The following PCDHGC3 variants were observed in gnomAD, a reference collection of about 807,000 sequenced individuals.
The protein encoded by PCDHGC3 is protocadherin gamma-C3.
A neutral mutation model predicts 59.2 loss-of-function variants in PCDHGC3; 26 were observed. That is an observed-to-expected ratio of 0.44 (90% CI 0.32 to 0.61). PCDHGC3 has a LOEUF of 0.61. Ranked by LOEUF, PCDHGC3 falls within the 20% of genes least tolerant of loss-of-function variation. PCDHGC3 has a pLI of 0.05. For synonymous variants in PCDHGC3, 487 were observed against 519.7 expected (o/e 0.94, Z 0.86); for missense variants, 1,080 against 1,221.8 (o/e 0.88, Z 1.73).
At position 141,475,981 on chromosome 5, in the gene PCDHGC3, G is replaced by A; in HGVS notation, c.-136G>A. The stretch of plus-strand genomic sequence containing the variant: ...GGGATGAGGCAGAGACTGAACAGCC[G>A]GCGAGCAAATCAACGGCATCCAGAA... On this transcript the variant is annotated 5_prime_UTR_variant, in exon 1 of 4. Coordinates refer to ENST00000308177, the MANE Select transcript of PCDHGC3 (RefSeq NM_002588.4). The A allele has an allele frequency of 9.6e-7, 1 of 1,042,940 alleles. No homozygotes were observed. Among genetic ancestry groups the A allele is most frequent in the Non-Finnish European group, 1.4e-6 (1 of 721,846 alleles). The allele number at this position is 1,042,940 out of a possible 1,614,324, so 64.6% of individuals were successfully genotyped here. A position where few individuals can be genotyped will look rare whatever the true frequency, so the allele number is the denominator to read the frequency against.
At position 141,486,230 on chromosome 5, in the gene PCDHGC3, A is replaced by G. The variant is rs1463946178; in HGVS notation, c.2430+7684A>G. ...TGACAATGCCCCTTACATCACAGTG[A>G]CCTCAGAGCTTGGAACCCTCCCCGA... On this transcript the variant is annotated intron_variant, in intron 1 of 3. Coordinates refer to ENST00000308177, the MANE Select transcript of PCDHGC3 (RefSeq NM_002588.4). This position sits in a 1 kb window ranked among gnomAD's most constrained non-coding sequence, Gnocchi z 5.0. 2 of 1,613,898 alleles carry G rather than the reference A, an allele frequency of 1.2e-6. No individual in the cohort carries two copies. The highest frequency in any genetic ancestry group is 2.2e-5 in the East Asian group (1 of 44,878).
chr5:141,480,414 CAA>C (rs10712552), intron 1 of PCDHGC3, among the ~76,000 whole-genome samples: 346 of 147,498 alleles, frequency 2.3e-3, no homozygotes, highest in African/African-American at 8.3e-3. Flanking sequence ...GACCCTGTCT[CAA>C]AAAAAAAAAT....
rs1199102847 is a variant in PCDHGC3, at chr5:141,477,997, A to G, written c.1881A>G (p.Gln627=). 2 of 1,614,112 alleles carry G rather than the reference A, an allele frequency of 1.2e-6. No individual in the cohort carries two copies. Among genetic ancestry groups the G allele is most frequent in the Non-Finnish European group, 1.7e-6 (2 of 1,180,016 alleles). Residue 627 remains glutamine, a synonymous_variant, in exon 1 of 4, where the codon CAA becomes CAG. Coordinates refer to ENST00000308177, the MANE Select transcript of PCDHGC3 (RefSeq NM_002588.4). This position sits in a 1 kb window ranked among gnomAD's most constrained non-coding sequence, Gnocchi z 4.9. ...SLFAIGLHTG[Q]ISTARPVQDT... ...TTGCCATAGGGCTGCACACTGGTCAAATCAGTACTGCCCGTCCAGTCCAAG... is the reference window on the plus strand; with the variant it reads ...TTGCCATAGGGCTGCACACTGGTCAGATCAGTACTGCCCGTCCAGTCCAAG...
At position 141,485,614 on chromosome 5, in the gene PCDHGC3, T is replaced by G; in HGVS notation, c.2430+7068T>G. 1 of 1,612,236 alleles carries G rather than the reference T, an allele frequency of 6.2e-7. No individual in the cohort carries two copies. Among genetic ancestry groups the G allele is most frequent in the Non-Finnish European group, 8.5e-7 (1 of 1,178,686 alleles). On this transcript the variant is annotated intron_variant, in intron 1 of 3. Transcript: ENST00000308177. The surrounding 1 kb of genome is among the most constrained non-coding windows in gnomAD (Gnocchi z 5.7). ...ACTTGGAAATTGGGGAGGCAGCTCC[T>G]CCAGGACAGCGTTTCCCGTTGGAAA...
At chr5:141,503,729 G>C (rs531112359) in intron 2 of PCDHGC3, among the ~76,000 whole-genome samples, 1 of 152,190 alleles carries the variant, frequency 6.6e-6, no homozygotes, top group East Asian at 1.9e-4. Flanking sequence ...CTTTATGTTT[G>C]TTGTGATGGT....
intron 3 of PCDHGC3, 111 bp from the exon 4 acceptor site, chr5:141,510,836 G>C: frequency 6.3e-7 from 1 of 1,584,882 alleles, no homozygotes; most frequent in African/African-American, 1.3e-5. Flanking sequence ...TGCTCAGCGT[G>C]GTCAAGGCCC....
At chr5:141,502,499 C>A (rs552402476) in intron 2 of PCDHGC3, among the ~76,000 whole-genome samples, 12 of 152,122 alleles carry the variant, frequency 7.9e-5, no homozygotes, top group Non-Finnish European at 2.9e-5. Flanking sequence ...CATCTAACGT[C>A]GGCCTGTCCC....
Position 141,485,294 on chromosome 5 carries a change from G to A in PCDHGC3, c.2430+6748G>A, listed in dbSNP as rs2099611126. Reference sequence around the variant, plus strand: ...CTACCCGGTCCCAGAGGAGTCACAGGAAGGGACTTTTGTAGGGAATGTCGC... The same window carrying A: ...CTACCCGGTCCCAGAGGAGTCACAGAAAGGGACTTTTGTAGGGAATGTCGC... On this transcript the variant is annotated intron_variant, in intron 1 of 3. Coordinates refer to ENST00000308177, the MANE Select transcript of PCDHGC3 (RefSeq NM_002588.4). The surrounding 1 kb of genome is among the most constrained non-coding windows in gnomAD (Gnocchi z 5.7). The A allele has an allele frequency of 6.2e-7, 1 of 1,614,044 alleles. No homozygotes were observed. Among genetic ancestry groups the A allele is most frequent in the Non-Finnish European group, 8.5e-7 (1 of 1,179,988 alleles).
intron 2 of PCDHGC3, among the ~76,000 whole-genome samples, 170 bp from the exon 3 acceptor site, chr5:141,505,223 A>G (rs746167057): frequency 1.9e-4 from 29 of 152,176 alleles, no homozygotes; most frequent in Admixed American, 6.5e-5. Flanking sequence ...GACTTGTGGG[A>G]TTCTGGCTTC....
Position 141,491,034 on chromosome 5 carries a change from T to G in PCDHGC3, c.2431-3773T>G, listed in dbSNP as rs375902824. 1 of 1,614,170 alleles carries G rather than the reference T, an allele frequency of 6.2e-7. No homozygotes were observed. The highest frequency in any genetic ancestry group is 8.5e-7 in the Non-Finnish European group (1 of 1,180,024). On this transcript the variant is annotated intron_variant, in intron 1 of 3. Coordinates refer to ENST00000308177, the MANE Select transcript of PCDHGC3 (RefSeq NM_002588.4). The surrounding 1 kb of genome is among the most constrained non-coding windows in gnomAD (Gnocchi z 6.9). ...CCAAGGTGACAGCCGTGGATGCTGATGCAGGCCACAATGCGTGGCTCTCCT... is the reference window on the plus strand; with the variant it reads ...CCAAGGTGACAGCCGTGGATGCTGAGGCAGGCCACAATGCGTGGCTCTCCT...
At position 141,476,043 on chromosome 5, in the gene PCDHGC3, A is replaced by T. The variant is rs2099384502; in HGVS notation, c.-74A>T. 1 of 1,492,156 alleles carries T rather than the reference A, an allele frequency of 6.7e-7. No individual in the cohort carries two copies. Among genetic ancestry groups the T allele is most frequent in the African/African-American group, 1.4e-5 (1 of 71,628 alleles). The allele number at this position is 1,492,156 out of a possible 1,614,324, so 92.4% of individuals were successfully genotyped here. On this transcript the variant is annotated 5_prime_UTR_variant, in exon 1 of 4. Coordinates refer to ENST00000308177, the MANE Select transcript of PCDHGC3 (RefSeq NM_002588.4). The surrounding 1 kb of genome is among the most constrained non-coding windows in gnomAD (Gnocchi z 7.6). ...ACTCGGCGCCCAGCGCCCAAGCGCT[A>T]ACCCGCTGAAAGTTTCTCAGCGAAA...
At position 141,489,244 on chromosome 5, in the gene PCDHGC3, G is replaced by A. The variant is rs145484133; in HGVS notation, c.2431-5563G>A. ...TCCACAAAGGGACTTCTGGGTCATG[G>A]GGCCCAAGACACTCCCACAGCTCGC... On this transcript the variant is annotated intron_variant, in intron 1 of 3. Coordinates refer to ENST00000308177, the MANE Select transcript of PCDHGC3 (RefSeq NM_002588.4). This position sits in a 1 kb window ranked among gnomAD's most constrained non-coding sequence, Gnocchi z 4.5. 5 of 1,534,936 alleles carry A rather than the reference G, an allele frequency of 3.3e-6. No individual in the cohort carries two copies. In the African/African-American group the frequency reaches 5.5e-5, roughly 17 times the overall value.
chr5:141,486,987 G>C lies in PCDHGC3; in HGVS notation c.2431-7820G>C, dbSNP rs1327158531. ...GACTTGGATTCAGGTTACAATGCTTGGGTTTCCTATCAGCTCCTGGAGGCC... is the reference window on the plus strand; with the variant it reads ...GACTTGGATTCAGGTTACAATGCTTCGGTTTCCTATCAGCTCCTGGAGGCC... On this transcript the variant is annotated intron_variant, in intron 1 of 3. Transcript: ENST00000308177. The surrounding 1 kb of genome is among the most constrained non-coding windows in gnomAD (Gnocchi z 5.0). The C allele has an allele frequency of 6.2e-7, 1 of 1,614,144 alleles. No homozygotes were observed. Among genetic ancestry groups the C allele is most frequent in the Admixed American group, 1.7e-5 (1 of 60,020 alleles).
At chr5:141,506,092 G>A (rs1595997534) in intron 3 of PCDHGC3, among the ~76,000 whole-genome samples, 1 of 152,142 alleles carries the variant, frequency 6.6e-6, no homozygotes, top group Admixed American at 6.6e-5. Flanking sequence ...TTCGGCTAGT[G>A]GTGGTTGTCC....
chr5:141,490,196 A>G lies in PCDHGC3; in HGVS notation c.2431-4611A>G, dbSNP rs748858034. On this transcript the variant is annotated intron_variant, in intron 1 of 3. Coordinates refer to ENST00000308177, the MANE Select transcript of PCDHGC3 (RefSeq NM_002588.4). The surrounding 1 kb of genome is among the most constrained non-coding windows in gnomAD (Gnocchi z 5.4). ...GAGGAGTCACGTTTCTATGAAATTCATGCAAGAGCCCGTGACCAGGGACAG... is the reference window on the plus strand; with the variant it reads ...GAGGAGTCACGTTTCTATGAAATTCGTGCAAGAGCCCGTGACCAGGGACAG... The G allele has an allele frequency of 3.7e-6, 6 of 1,614,196 alleles. No individual in the cohort carries two copies. The highest frequency in any genetic ancestry group is 4.2e-6 in the Non-Finnish European group (5 of 1,180,020).
rs2099605485 is a variant in PCDHGC3 at position 141,485,030 on chromosome 5, G to A, written c.2430+6484G>A. 1 of 674,340 alleles carries A rather than the reference G, an allele frequency of 1.5e-6. No individual in the cohort carries two copies. Among genetic ancestry groups the A allele is most frequent in the East Asian group, 2.6e-5 (1 of 38,292 alleles). The allele number at this position is 674,340 out of a possible 1,614,324, so 41.8% of individuals were successfully genotyped here. A position where few individuals can be genotyped will look rare whatever the true frequency, so the allele number is the denominator to read the frequency against. ...CTACCCCGCCACCAGCAAAAACGGC[G>A]CGTAACCCTTGCGGCGCCGGCCGAA... On this transcript the variant is annotated intron_variant, in intron 1 of 3. Transcript: ENST00000308177. The surrounding 1 kb of genome is among the most constrained non-coding windows in gnomAD (Gnocchi z 5.7).
At chr5:141,500,488 C>T (rs569168291) in intron 2 of PCDHGC3, among the ~76,000 whole-genome samples, 4 of 152,178 alleles carry the variant, frequency 2.6e-5, no homozygotes, top group South Asian at 2.1e-4. Flanking sequence ...GGATTACAGG[C>T]GTGAGCCACC....
Position 141,491,880 on chromosome 5 carries a change from G to C in PCDHGC3, c.2431-2927G>C. ...GCGAAACCAGAGTGGCCGATTAAGG[G>C]ATGGGGCTCCGAGCACCGGGGGTGG... On this transcript the variant is annotated intron_variant, in intron 1 of 3. Transcript: ENST00000308177. This position sits in a 1 kb window ranked among gnomAD's most constrained non-coding sequence, Gnocchi z 6.9. 1 of 1,449,834 alleles carries C rather than the reference G, an allele frequency of 6.9e-7. No individual in the cohort carries two copies. 89.8% of individuals were successfully genotyped at this position (1,449,834 alleles called of 1,614,324 possible).
chr5:141,506,380 TG>T (rs2099852860), intron 3 of PCDHGC3, among the ~76,000 whole-genome samples: 1 of 141,314 alleles, frequency 7.1e-6, no homozygotes, highest in Non-Finnish European at 1.5e-5. Flanking sequence ...ACCTGGGAGG[TG>T]GCTGTGGTGA....
Sources: allele counts gnomAD v4.1 joint callset (sites outside exome capture counted in the v4.1 genomes callset), GRCh38; gene constraint gnomAD v4.1.1; non-coding constraint Gnocchi (gnomAD v3.1); transcripts MANE v1.5; gene names NCBI Gene and HGNC (gene_info 2026-07-23, HGNC 2026-07-21).